KPNA6: variants seen among roughly 807,000 people sequenced by gnomAD.
KPNA6 encodes karyopherin subunit alpha 6.
A neutral mutation model predicts 72.0 loss-of-function variants in KPNA6; 9 were observed. The observed-to-expected ratio is 0.13, with a 90% CI of 0.08 to 0.22. The LOEUF is 0.22. KPNA6 is among the 10% of genes least tolerant of loss of function. The pLI is 1.00. For synonymous variants in KPNA6, 219 were observed against 242.1 expected (o/e 0.90, Z 0.89); for missense variants, 374 against 655.7 (o/e 0.57, Z 4.69).
chr1:32,138,588 A>G (rs933633090), intron 1 of KPNA6, among the ~76,000 whole-genome samples: 1 of 150,520 alleles, frequency 6.6e-6, no homozygotes, highest in Non-Finnish European at 1.5e-5. Flanking sequence ...GCTAAGGGAG[A>G]TCGTGAGCTT....
chr1:32,108,080 T>TGAAGCTGCCGCC lies in KPNA6; in HGVS notation c.-49_-38dup. The stretch of plus-strand genomic sequence containing the variant: ...CATATTGTCTACTGAAAGCTGCCGC[T>TGAAGCTGCCGCC]GAAGCTGCCGCCGTTGCCTCCGCCG... On this transcript the variant is annotated 5_prime_UTR_variant, in exon 1 of 14. Transcript: ENST00000373625. 1.2e-6 allele frequency: 2 copies of TGAAGCTGCCGCC among 1,613,740 alleles called. No individual in the cohort carries two copies. The highest frequency in any genetic ancestry group is 2.2e-5 in the South Asian group (2 of 91,044).
chr1:32,135,560 T>A (rs1486047464), intron 1 of KPNA6, among the ~76,000 whole-genome samples: 1 of 151,132 alleles, frequency 6.6e-6, no homozygotes, highest in African/African-American at 2.4e-5. Context: ...CTTGAACTCC[T>A]GACCTCAAGT....
At chr1:32,163,732 T>C (rs1642283175) in intron 10 of KPNA6, among the ~76,000 whole-genome samples, 1 of 152,170 alleles carries the variant, frequency 6.6e-6, no homozygotes, top group Non-Finnish European at 1.5e-5. Context: ...ACCCTTCTGG[T>C]GAAGGCATAG....
intron 1 of KPNA6, among the ~76,000 whole-genome samples, chr1:32,139,117 A>G (rs531209927): frequency 1.3e-5 from 2 of 152,214 alleles, no homozygotes; most frequent in African/African-American, 2.4e-5. Context: ...AACAACGTAT[A>G]TGCTCGATGA....
chr1:32,133,355 AT>A (rs1641674582), intron 1 of KPNA6, among the ~76,000 whole-genome samples: 1 of 151,458 alleles, frequency 6.6e-6, no homozygotes, highest in Non-Finnish European at 1.5e-5. Flanking sequence ...AAAAAAAAAA[AT>A]TGTGGAGGTT....
At chr1:32,112,455 G>T (rs1438588511) in intron 1 of KPNA6, among the ~76,000 whole-genome samples, 1 of 152,056 alleles carries the variant, frequency 6.6e-6, no homozygotes, top group Non-Finnish European at 1.5e-5. Flanking sequence ...TCTCTTAAGT[G>T]TGCAATAATA....
intron 1 of KPNA6, chr1:32,143,072 C>G (rs1176138132): frequency 9.2e-7 from 1 of 1,083,538 alleles, no homozygotes; most frequent in Admixed American, 2.3e-5. Context: ...AATCTGTTGT[C>G]TACTCTGTTA....
At chr1:32,169,775 A>T in intron 12 of KPNA6, 107 bp from the exon 13 acceptor site, 1 of 1,065,188 alleles carries the variant, frequency 9.4e-7, no homozygotes, top group Non-Finnish European at 1.3e-6. Context: ...ATTCTTAAAA[A>T]TAAAAAAATA....
In KPNA6 at chr1:32,163,263, G is replaced by T. The variant is rs761481906; in HGVS notation, c.940G>T (p.Ala314Ser). 1 of 1,613,426 alleles carries T rather than the reference G, an allele frequency of 6.2e-7. No homozygotes were observed. Among genetic ancestry groups the T allele is most frequent in the Non-Finnish European group, 8.5e-7 (1 of 1,179,658 alleles). The change falls in exon 10 of 14, where the codon GCC becomes TCC. Residue 314 changes from alanine to serine, a missense_variant. Physicochemically the swap from Ala to Ser is moderately conservative, Grantham distance 99. Coordinates refer to ENST00000373625, the MANE Select transcript of KPNA6 (RefSeq NM_012316.5). Reference protein sequence around the residue: ...MHNDYKVASPALRAVGNIVTG... With the variant: ...MHNDYKVASPSLRAVGNIVTG... ...CAATGATTACAAAGTGGCTTCTCCT[G>T]CCCTGAGAGCCGTGGGTAACATCGT...
chr1:32,108,134 GGTGA>G lies in KPNA6; in HGVS notation c.4+6_4+9del, dbSNP rs1641176363. 6.2e-7 allele frequency: 1 copy of G among 1,614,064 alleles called. No homozygotes were observed. Among genetic ancestry groups the G allele is most frequent in the Non-Finnish European group, 8.5e-7 (1 of 1,179,974 alleles). ...AGAGTGAGCGAGCGGACCCGCGATG[GGTGA>G]GTGAGGAAACCACGCAGTAGGGTTC... is the stretch of plus-strand genomic sequence containing the variant. On this transcript the variant is annotated splice_donor_variant and splice_donor_region_variant and intron_variant, in intron 1 of 13. Coordinates refer to ENST00000373625, the MANE Select transcript of KPNA6 (RefSeq NM_012316.5). LOFTEE classifies it high-confidence loss of function.
chr1:32,138,880 T>C (rs917490088), intron 1 of KPNA6, among the ~76,000 whole-genome samples: 2 of 152,144 alleles, frequency 1.3e-5, no homozygotes, highest in Non-Finnish European at 2.9e-5. Context: ...GGTATTTGTG[T>C]CTTGTGTCCT....
chr1:32,160,905 C>A (rs1424516687), intron 7 of KPNA6, among the ~76,000 whole-genome samples: 1 of 152,104 alleles, frequency 6.6e-6, no homozygotes, highest in Non-Finnish European at 1.5e-5. Context: ...GCCTGTAATC[C>A]CAGCACTTTG....
At chr1:32,158,133 A>G in intron 4 of KPNA6, 134 bp from the exon 5 acceptor site, 1 of 633,194 alleles carries the variant, frequency 1.6e-6, no homozygotes, top group East Asian at 2.6e-5. Context: ...TGTTAAAACC[A>G]CCTTACCAGA....
At chr1:32,121,877 G>A (rs1641438423) in intron 1 of KPNA6, among the ~76,000 whole-genome samples, 1 of 152,086 alleles carries the variant, frequency 6.6e-6, no homozygotes, top group African/African-American at 2.4e-5. Context: ...GGAGGCTGAG[G>A]CAGGAGAATC....
Position 32,156,909 on chromosome 1 carries a change from T to C in KPNA6, c.195T>C (p.Ser65=), listed in dbSNP as rs1344217726. ...LINEEAAMFD[S]LLMDSYVSST... ...ATGAAGAAGCTGCCATGTTCGATAG[T>C]CTTCTCATGGACTCTTATGTGAGCT... Residue 65 remains serine, a synonymous_variant, in exon 3 of 14, where the codon AGT becomes AGC. Coordinates refer to ENST00000373625, the MANE Select transcript of KPNA6 (RefSeq NM_012316.5). 1 of 1,613,986 alleles carries C rather than the reference T, an allele frequency of 6.2e-7. No individual in the cohort carries two copies. Among genetic ancestry groups the C allele is most frequent in the Non-Finnish European group, 8.5e-7 (1 of 1,179,978 alleles).
rs1204054181 is a variant in KPNA6, at chr1:32,176,478, A to C, written c.*5584A>C. The C allele has an allele frequency of 6.6e-6, 1 of 152,434 alleles. No individual in the cohort carries two copies. The highest frequency in any genetic ancestry group is 2.4e-5 in the African/African-American group (1 of 41,456). The allele number at this position is 152,434 out of a possible 1,614,324, so 9.4% of individuals were successfully genotyped here. On this transcript the variant is annotated 3_prime_UTR_variant, in exon 14 of 14. Coordinates refer to ENST00000373625, the MANE Select transcript of KPNA6 (RefSeq NM_012316.5). ...CCAGACAAATGTTATTTATATACAC[A>C]TCCAAATTTGAAGAGAAAATGTATT...
intron 9 of KPNA6, 124 bp from the exon 10 acceptor site, chr1:32,163,111 A>G: frequency 3.0e-6 from 2 of 669,174 alleles, no homozygotes; most frequent in Non-Finnish European, 2.7e-6. Context: ...CTCAAAAAAA[A>G]AAGAAAAAAG....
intron 1 of KPNA6, among the ~76,000 whole-genome samples, chr1:32,137,015 T>A (rs1641746493): frequency 6.6e-6 from 1 of 152,202 alleles, no homozygotes; most frequent in African/African-American, 2.4e-5. Context: ...ATTACTTTGC[T>A]TTCCAAATAT....
At chr1:32,116,744 C>T (rs1430046242) in intron 1 of KPNA6, among the ~76,000 whole-genome samples, 3 of 152,166 alleles carry the variant, frequency 2.0e-5, no homozygotes, top group Non-Finnish European at 4.4e-5. Context: ...ACATGCCTTC[C>T]TCACTAAGCT....
Sources: gnomAD v4.1 joint callset for allele counts (sites outside exome capture counted in the v4.1 genomes callset) on GRCh38, gnomAD v4.1.1 for gene constraint, MANE v1.5 for transcripts, NCBI Gene and HGNC (gene_info 2026-07-23, HGNC 2026-07-21) for gene names.